STYXL1: variants seen among roughly 807,000 people sequenced by gnomAD.
The protein encoded by STYXL1 is serine/threonine/tyrosine-interacting-like protein 1.
In STYXL1, 32 loss-of-function variants were observed where a neutral mutation model predicts 36.4. That is an observed-to-expected ratio of 0.88 (90% confidence interval 0.66 to 1.18). STYXL1 has a LOEUF of 1.18. Ranked by LOEUF, STYXL1 falls within the 50% of genes most tolerant of loss-of-function variation. The probability of loss-of-function intolerance (pLI) is 0.00; values close to 1 mark genes in which losing one functional copy is unlikely to be tolerated. For synonymous variants in STYXL1, 133 were observed against 144.1 expected, an observed-to-expected ratio of 0.92 and a Z score of 0.55; for missense variants, 354 against 394.1, an observed-to-expected ratio of 0.90 and a Z score of 0.86.
rs1301271778 is a variant in STYXL1 at position 76,023,589 on chromosome 7, T to TG, written c.166-1598dup. ...TTGTAGAGACAAAAAAAGCCGGGTG[T>TG]GGGAGGGTGCACATGTAGTCCCAGC... On this transcript the variant is annotated intron_variant, in intron 3 of 8. Transcript: ENST00000359697. 3.4e-4 allele frequency among the ~76,000 whole-genome samples: 52 copies of TG among 151,814 alleles called. No individual in the cohort carries two copies. In the South Asian group the frequency reaches 9.8e-3, roughly 29 times the overall value.
chr7:76,012,444 A>G (rs1554572497), intron 5 of STYXL1, among the ~76,000 whole-genome samples: 1 of 152,040 alleles, frequency 6.6e-6, no homozygotes, highest in Non-Finnish European at 1.5e-5. Flanking sequence ...CACAGGCTGG[A>G]GTGCAGTGGT....
At chr7:76,042,609 T>C (rs782521725) in intron 1 of STYXL1, among the ~76,000 whole-genome samples, 22 of 151,728 alleles carry the variant, frequency 1.4e-4, no homozygotes, top group Non-Finnish European at 2.8e-4. Flanking sequence ...GGTTTCACCA[T>C]GTGGCGAGGC....
At chr7:76,026,028 T>C (rs187271921) in intron 3 of STYXL1, among the ~76,000 whole-genome samples, 2 of 145,990 alleles carry the variant, frequency 1.4e-5, no homozygotes, top group African/African-American at 5.1e-5. Flanking sequence ...CCGTCTCTAC[T>C]ACGAATACAA....
intron 1 of STYXL1, among the ~76,000 whole-genome samples, chr7:76,034,177 G>A (rs1187431536): frequency 6.6e-6 from 1 of 152,128 alleles, no homozygotes; most frequent in Non-Finnish European, 1.5e-5. Flanking sequence ...ATCATAGCTT[G>A]CTGCAGCCTC....
chr7:76,017,881 A>AAAAAAAAAAAAAAAAAAAAAAC (rs1793587430), intron 4 of STYXL1, among the ~76,000 whole-genome samples: 1 of 133,836 alleles, frequency 7.5e-6, no homozygotes, highest in African/African-American at 2.7e-5. Flanking sequence ...AAAAAAAAAA[A>AAAAAAAAAAAAAAAAAAAAAAC]GGCAAGACAG....
At chr7:76,019,463 A>C (rs1793789284) in intron 4 of STYXL1, among the ~76,000 whole-genome samples, 1 of 151,350 alleles carries the variant, frequency 6.6e-6, no homozygotes, top group Non-Finnish European at 1.5e-5. Context: ...TGCCTGGCTA[A>C]ATTTTTTTTT....
intron 1 of STYXL1, chr7:76,045,322 A>C (rs1796846317): frequency 6.6e-6 from 1 of 151,862 alleles, no homozygotes; most frequent in South Asian, 2.1e-4. Context: ...TTCCTAAACA[A>C]TCTCCATTTT....
chr7:76,005,463 T>C, intron 5 of STYXL1, 59 bp from the exon 6 acceptor site: 2 of 1,504,204 alleles, frequency 1.3e-6, no homozygotes, highest in African/African-American at 1.4e-5. Flanking sequence ...GAGGGATGTC[T>C]ATCTCTTGAA....
At chr7:76,021,597 T>C (rs1794081295) in intron 4 of STYXL1, among the ~76,000 whole-genome samples, 1 of 152,074 alleles carries the variant, frequency 6.6e-6, no homozygotes, top group Admixed American at 6.6e-5. Flanking sequence ...TGACCCCAAC[T>C]TTCCAGTCCC....
At chr7:76,000,663 C>A in intron 8 of STYXL1, 1 of 608,122 alleles carries the variant, frequency 1.6e-6, no homozygotes, top group African/African-American at 1.8e-5. Context: ...ACAGCCTGAC[C>A]TGGCCTGAGT....
chr7:76,039,323 G>A (rs567908187), intron 1 of STYXL1, among the ~76,000 whole-genome samples: 3 of 150,928 alleles, frequency 2.0e-5, no homozygotes, highest in South Asian at 2.1e-4. Context: ...TGATCTTCCC[G>A]CCTCAGCCTC....
At chr7:76,045,275 C>A (rs1796842875) in intron 1 of STYXL1, 1 of 148,480 alleles carries the variant, frequency 6.7e-6, no homozygotes, top group Admixed American at 7.0e-5. Flanking sequence ...CCTTTGTCAT[C>A]CATAAAATAG....
chr7:76,008,981 A>G (rs1792185964), intron 5 of STYXL1, among the ~76,000 whole-genome samples: 1 of 152,074 alleles, frequency 6.6e-6, no homozygotes, highest in South Asian at 2.1e-4. Context: ...CAGCCTGGGC[A>G]ACAGAGATGC....
At chr7:76,038,522 T>A (rs1223648312) in intron 1 of STYXL1, among the ~76,000 whole-genome samples, 2 of 145,098 alleles carry the variant, frequency 1.4e-5, no homozygotes, top group African/African-American at 5.1e-5. Context: ...GCCTCCTGGG[T>A]TCCCGCCATT....
At chr7:76,034,884 C>A (rs1337682167) in intron 1 of STYXL1, among the ~76,000 whole-genome samples, 1 of 152,198 alleles carries the variant, frequency 6.6e-6, no homozygotes, top group Non-Finnish European at 1.5e-5. Flanking sequence ...CCCTGAATAC[C>A]ACACACATAC....
chr7:76,040,580 T>C (rs1190573824), intron 1 of STYXL1, among the ~76,000 whole-genome samples: 2 of 152,204 alleles, frequency 1.3e-5, no homozygotes, highest in African/African-American at 4.8e-5. Flanking sequence ...GGCTCACGCC[T>C]GCAATCCCAG....
At chr7:76,016,706 GA>G (rs1244787133) in intron 4 of STYXL1, among the ~76,000 whole-genome samples, 2 of 152,120 alleles carry the variant, frequency 1.3e-5, no homozygotes, top group Non-Finnish European at 2.9e-5. Flanking sequence ...ACATCAGTCA[GA>G]ATGGCTTTTA....
chr7:76,005,894 G>A (rs1330595002), intron 5 of STYXL1, among the ~76,000 whole-genome samples: 1 of 140,902 alleles, frequency 7.1e-6, no homozygotes, highest in African/African-American at 2.6e-5. Flanking sequence ...AGGAGGAGGA[G>A]GAGGAGAGAG....
At chr7:76,000,770 G>C in intron 8 of STYXL1, 120 bp downstream of exon 8, 1 of 762,118 alleles carries the variant, frequency 1.3e-6, no homozygotes, top group Non-Finnish European at 2.3e-6. Context: ...CCCTAGACTT[G>C]GAGTTATCTG....
Sources: gnomAD v4.1 joint callset for allele counts (sites outside exome capture counted in the v4.1 genomes callset) on GRCh38, gnomAD v4.1.1 for gene constraint, MANE v1.5 for transcripts, NCBI Gene and HGNC (gene_info 2026-07-23, HGNC 2026-07-21) for gene names.